CHEK2: variants seen among roughly 807,000 people sequenced by gnomAD.
CHEK2 encodes the protein serine/threonine-protein kinase Chk2.
CHEK2 carries 71 observed loss-of-function variants against 69.1 expected under a neutral mutation model. The ratio of observed to expected loss-of-function variants is 1.03; its 90% CI spans 0.85 to 1.25. The LOEUF (loss-of-function observed/expected upper bound fraction) is 1.25, where lower values mean the gene tolerates loss of function less well. Ranked by LOEUF, CHEK2 falls within the 50% of genes most tolerant of loss-of-function variation. The pLI is 0.00. For synonymous variants in CHEK2, 189 were observed against 226.9 expected, an observed-to-expected ratio of 0.83 and a Z score of 1.50; for missense variants, 664 against 649.6, an observed-to-expected ratio of 1.02 and a Z score of -0.24.
intron 2 of CHEK2, among the ~76,000 whole-genome samples, chr22:28,729,563 A>AAAAAAAAAAAAAAAAAAAAAAAAAAC (rs2054130447): frequency 6.9e-6 from 1 of 144,920 alleles, no homozygotes; most frequent in Non-Finnish European, 1.5e-5. Context: ...AAAAAAAAAA[A>AAAAAAAAAAAAAAAAAAAAAAAAAAC]AAGAATTAAC....
At chr22:28,714,891 A>C (rs952701946) in intron 5 of CHEK2, among the ~76,000 whole-genome samples, 1 of 152,184 alleles carries the variant, frequency 6.6e-6, no homozygotes, top group African/African-American at 2.4e-5. Flanking sequence ...CTTCTCCTGG[A>C]AACAGTCACC....
At chr22:28,713,058 A>G (rs2053459954) in intron 5 of CHEK2, among the ~76,000 whole-genome samples, 5 of 152,204 alleles carry the variant, frequency 3.3e-5, no homozygotes, top group African/African-American at 1.2e-4. Flanking sequence ...CCTATTCTGA[A>G]TATTTCATAT....
rs564605612 is a variant in CHEK2, at chr22:28,694,042, G to C, written c.1451C>G (p.Pro484Arg). The change falls in exon 13 of 15, where the codon CCG becomes CGG. Residue 484 changes from proline (P) to arginine (R), a missense_variant. Transcript: ENST00000404276. ...RFTTEEALRH[P>R]WLQDEDMKRK... is the part of the protein sequence containing the mutation. ...CTGTCCCACACCCACCTGAAGCCAC[G>C]GGTGTCTTAAGGCTTCTTCTGTCGT... is the stretch of plus-strand genomic sequence containing the variant. 6.3e-7 allele frequency: 1 copy of C among 1,593,668 alleles called. No individual in the cohort carries two copies. Among genetic ancestry groups the C allele is most frequent in the Non-Finnish European group, 8.5e-7 (1 of 1,177,368 alleles).
chr22:28,703,567 C>G lies in CHEK2; in HGVS notation c.847-1G>C, dbSNP rs878854926. Reference sequence around the variant, plus strand: ...AGTTTTTAATCTTGATGATGCAAGGCTAAGAAGAGGGGGAGAAAAAAGGGA... The same window carrying G: ...AGTTTTTAATCTTGATGATGCAAGGGTAAGAAGAGGGGGAGAAAAAAGGGA... On this transcript the variant is annotated splice_acceptor_variant, in intron 7 of 14. Transcript: ENST00000404276. LOFTEE classifies it high-confidence loss of function. 6.4e-7 allele frequency: 1 copy of G among 1,555,728 alleles called. No individual in the cohort carries two copies.
At chr22:28,697,131 T>C (rs748002165) in intron 9 of CHEK2, 144 bp from the exon 10 acceptor site, 15 of 677,672 alleles carry the variant, frequency 2.2e-5, no homozygotes, top group Non-Finnish European at 3.8e-5. Flanking sequence ...CATAGAAAAC[T>C]GTTGGGGTAA....
intron 13 of CHEK2, among the ~76,000 whole-genome samples, chr22:28,691,455 T>C (rs528347409): frequency 6.6e-6 from 1 of 152,332 alleles, no homozygotes; most frequent in Admixed American, 6.5e-5. Flanking sequence ...TCCAGCCTGG[T>C]AGACAAAAGC....
In CHEK2 at chr22:28,711,367, G is replaced by A. The variant is rs370165111; in HGVS notation, c.792+542C>T. ...ACCTAAATGATCAGCCAGAGAAATGGTTAAGTAAATTACAATAAAGTTGAT... is the reference window on the plus strand; with the variant it reads ...ACCTAAATGATCAGCCAGAGAAATGATTAAGTAAATTACAATAAAGTTGAT... On this transcript the variant is annotated intron_variant, in intron 6 of 14. Transcript: ENST00000404276. Among the ~76,000 whole-genome samples the A allele has an allele frequency of 3.3e-5, 5 of 152,078 alleles. No individual in the cohort carries two copies. The East Asian group carries it at 7.7e-4, about 23-fold the overall frequency.
intron 9 of CHEK2, among the ~76,000 whole-genome samples, chr22:28,699,356 C>CTTTT (rs2052725352): frequency 8.3e-6 from 1 of 119,924 alleles, no homozygotes; most frequent in Non-Finnish European, 1.7e-5. Flanking sequence ...ACAGTGAGAG[C>CTTTT]TTTTTCTTTT....
chr22:28,730,841 A>T (rs187024306), intron 2 of CHEK2, among the ~76,000 whole-genome samples: 43 of 152,272 alleles, frequency 2.8e-4, no homozygotes, highest in African/African-American at 9.6e-4. Context: ...CTGGTGACAG[A>T]GCAAGGCTCC....
In CHEK2 at chr22:28,696,889, C is replaced by T. The variant is rs762414562; in HGVS notation, c.1095+12G>A. Reference sequence around the variant, plus strand: ...TACAGGAATAGCCACATACAGAATGCCAATTTCTTACCTTTATAAGACAGT... The same window carrying T: ...TACAGGAATAGCCACATACAGAATGTCAATTTCTTACCTTTATAAGACAGT... On this transcript the variant is annotated intron_variant, in intron 10 of 14. Coordinates refer to ENST00000404276, the MANE Select transcript of CHEK2 (RefSeq NM_007194.4). 6.3e-7 allele frequency: 1 copy of T among 1,578,116 alleles called. No homozygotes were observed. Among genetic ancestry groups the T allele is most frequent in the East Asian group, 2.2e-5 (1 of 44,708 alleles).
chr22:28,705,319 C>T (rs17882995), intron 7 of CHEK2, among the ~76,000 whole-genome samples: 3,678 of 151,934 alleles, frequency 0.024, 166 homozygotes, highest in African/African-American at 0.083. Context: ...CCTCGTGATC[C>T]ACCCGCCTCA....
intron 2 of CHEK2, chr22:28,729,278 T>C: frequency 3.7e-6 from 1 of 271,778 alleles, no homozygotes; most frequent in Non-Finnish European, 7.4e-6. Flanking sequence ...GCGCGGTGGC[T>C]CACATCTGTA....
intron 5 of CHEK2, among the ~76,000 whole-genome samples, chr22:28,716,410 T>C (rs2053590291): frequency 6.6e-6 from 1 of 151,998 alleles, no homozygotes; most frequent in African/African-American, 2.4e-5. Context: ...TTGGCCAGGC[T>C]GGTCTCAAAC....
chr22:28,723,011 A>C (rs1042176880), intron 4 of CHEK2, among the ~76,000 whole-genome samples: 1 of 152,184 alleles, frequency 6.6e-6, no homozygotes, highest in Non-Finnish European at 1.5e-5. Flanking sequence ...GGGAACGTCT[A>C]TGGTTTCTTT....
intron 6 of CHEK2, 88 bp from the exon 7 acceptor site, chr22:28,710,147 G>A: frequency 2.2e-6 from 2 of 906,226 alleles, no homozygotes; most frequent in Admixed American, 2.1e-5. Flanking sequence ...GTTGACTCAA[G>A]GCTGCCTGAG....
chr22:28,702,639 C>T (rs1057352842), intron 8 of CHEK2, among the ~76,000 whole-genome samples: 4 of 150,818 alleles, frequency 2.7e-5, no homozygotes, highest in Non-Finnish European at 4.4e-5. Context: ...CTCTGCCTCC[C>T]GGGTTCAAGC....
At chr22:28,708,363 A>ATGTGTTTGTGTGTGTGTGTG (rs371287570) in intron 7 of CHEK2, among the ~76,000 whole-genome samples, 32 of 139,768 alleles carry the variant, frequency 2.3e-4, no homozygotes, top group Non-Finnish European at 4.5e-4. Context: ...CTCTAAAAAT[A>ATGTGTTTGTGTGTGTGTGTG]TGTGTGTGTG....
chr22:28,704,951 A>G (rs1193432962), intron 7 of CHEK2, among the ~76,000 whole-genome samples: 1 of 152,194 alleles, frequency 6.6e-6, no homozygotes, highest in African/African-American at 2.4e-5. Flanking sequence ...TTTTCCCACC[A>G]TAGATGGGTC....
chr22:28,719,502 T>A lies in CHEK2; in HGVS notation c.593-17A>T, dbSNP rs2146007971. 7.0e-7 allele frequency: 1 copy of A among 1,429,826 alleles called. No homozygotes were observed. The highest frequency in any genetic ancestry group is 1.4e-5 in the African/African-American group (1 of 71,338). 88.6% of individuals were successfully genotyped at this position (1,429,826 alleles called of 1,614,324 possible). ...AGACAAAAACTAAGGAAGAAAAGAG[T>A]AGAAATGGGTTTCATTAATTTATTC... On this transcript the variant is annotated splice_polypyrimidine_tract_variant and intron_variant, in intron 4 of 14. Coordinates refer to ENST00000404276, the MANE Select transcript of CHEK2 (RefSeq NM_007194.4).
Sources: allele counts gnomAD v4.1 joint callset (sites outside exome capture counted in the v4.1 genomes callset), GRCh38; gene constraint gnomAD v4.1.1; transcripts MANE v1.5; gene names NCBI Gene and HGNC (gene_info 2026-07-23, HGNC 2026-07-21).